AFAP1L2: variants seen among roughly 807,000 people sequenced by gnomAD.
AFAP1L2 encodes actin filament associated protein 1 like 2.
AFAP1L2 carries 46 observed loss-of-function variants against 99.3 expected under a neutral mutation model. The observed-to-expected ratio is 0.46, with a 90% CI of 0.37 to 0.59. The LOEUF (loss-of-function observed/expected upper bound fraction) is 0.59. Among genes scored for constraint, AFAP1L2 ranks in the 20% least tolerant of loss-of-function variants. The pLI is 0.00. For synonymous variants in AFAP1L2, 397 were observed against 419.1 expected (o/e 0.95, Z 0.64); for missense variants, 959 against 1,034.9 (o/e 0.93, Z 1.01).
chr10:114,389,804 A>C (rs1417088836), intron 1 of AFAP1L2, among the ~76,000 whole-genome samples: 1 of 152,250 alleles, frequency 6.6e-6, no homozygotes, highest in African/African-American at 2.4e-5. Context: ...CTTCTTGGAC[A>C]GTCCAGAAAT....
intron 9 of AFAP1L2, 36 bp from the exon 10 acceptor site, chr10:114,307,945 C>T (rs945165024): frequency 3.1e-5 from 50 of 1,590,426 alleles, no homozygotes; most frequent in Middle Eastern, 1.7e-4. Context: ...TCGTATTGCA[C>T]GTGGTCCACC....
At chr10:114,327,210 G>T (rs2046508249) in intron 4 of AFAP1L2, among the ~76,000 whole-genome samples, 1 of 116,952 alleles carries the variant, frequency 8.6e-6, no homozygotes. Flanking sequence ...TGTTGCCCAG[G>T]CTGGAGTATA....
At chr10:114,305,643 AGATGCAGATGCAGGAG>A (rs2042148614) in intron 10 of AFAP1L2, among the ~76,000 whole-genome samples, 2 of 33,782 alleles carry the variant, frequency 5.9e-5, no homozygotes, top group African/African-American at 2.4e-4. Context: ...ATGCAGGAGG[AGATGCAGATGCAGGAG>A]GGGATGCAGG....
At chr10:114,397,571 C>T (rs2057843749) in intron 1 of AFAP1L2, among the ~76,000 whole-genome samples, 2 of 152,170 alleles carry the variant, frequency 1.3e-5, no homozygotes, top group African/African-American at 2.4e-5. Context: ...GGGCAACTCA[C>T]CATCTCAGTT....
chr10:114,369,611 A>AAAAAC (rs2053832002), intron 1 of AFAP1L2, among the ~76,000 whole-genome samples: 1 of 149,148 alleles, frequency 6.7e-6, no homozygotes, highest in African/African-American at 2.4e-5. Flanking sequence ...AAAAAAAAAA[A>AAAAAC]AAAACTTTTT....
At chr10:114,302,222 C>T (rs780924285) in intron 12 of AFAP1L2, 117 bp downstream of exon 12, 12 of 1,417,654 alleles carry the variant, frequency 8.5e-6, no homozygotes, top group Non-Finnish European at 1.2e-5. Flanking sequence ...TTTCCTGCTG[C>T]TGGGCAGAGT....
rs1554894521 is a variant in AFAP1L2, at chr10:114,318,751, A to AAAAGAAAAG, written c.407-2987_407-2986insCTTTTCTTT. ...GTGAGACTCTGTCTAAAAAAAAGAA[A>AAAAGAAAAG]AAAAAAAGAACAACAAATCATACTC... is the stretch of plus-strand genomic sequence containing the variant. On this transcript the variant is annotated intron_variant, in intron 5 of 18. Transcript: ENST00000304129. Among the ~76,000 whole-genome samples the AAAAGAAAAG allele has an allele frequency of 2.5e-3, 374 of 147,818 alleles. 2 individuals carry two copies. Among genetic ancestry groups the AAAAGAAAAG allele is most frequent in the African/African-American group, 8.1e-3 (328 of 40,382 alleles).
At chr10:114,318,403 G>A (rs190817002) in intron 5 of AFAP1L2, among the ~76,000 whole-genome samples, 3 of 152,012 alleles carry the variant, frequency 2.0e-5, no homozygotes, top group East Asian at 1.9e-4. Flanking sequence ...AACTAAGAAC[G>A]GCAAATCATC....
intron 5 of AFAP1L2, among the ~76,000 whole-genome samples, chr10:114,321,338 T>C (rs2003527): frequency 0.59 from 90,187 of 151,990 alleles, 31,452 homozygotes; most frequent in East Asian, 0.91. Flanking sequence ...CTCCCACTTA[T>C]AAGTGAGAAC....
At chr10:114,308,665 C>G (rs938008334) in intron 8 of AFAP1L2, 148 bp from the exon 9 acceptor site, 1 of 671,456 alleles carries the variant, frequency 1.5e-6, no homozygotes, top group Non-Finnish European at 2.5e-6. Flanking sequence ...ACGGCAGAAT[C>G]CAGGTCACTG....
intron 7 of AFAP1L2, among the ~76,000 whole-genome samples, 158 bp from the exon 8 acceptor site, chr10:114,310,601 A>G (rs1334012775): frequency 6.6e-6 from 1 of 152,166 alleles, no homozygotes; most frequent in African/African-American, 2.4e-5. Flanking sequence ...CCCAGCCCCA[A>G]GGCCTGCATG....
the AFAP1L2 span, chr10:114,286,180 TC>T: frequency 8.3e-5 from 134 of 1,613,898 alleles, no homozygotes; most frequent in South Asian, 1.9e-4. Flanking sequence ...TCGATGGCAT[TC>T]CCTTCCGTGG....
intron 1 of AFAP1L2, among the ~76,000 whole-genome samples, chr10:114,381,921 C>T (rs1041645964): frequency 2.0e-5 from 3 of 152,076 alleles, no homozygotes. Flanking sequence ...TGTTCCATTT[C>T]ACTCATAAAA....
In AFAP1L2 at chr10:114,300,662, A is replaced by T. The variant is rs201877865; in HGVS notation, c.1571T>A (p.Val524Asp). The T allele has an allele frequency of 1.9e-6, 3 of 1,605,620 alleles. No homozygotes were observed. The highest frequency in any genetic ancestry group is 1.7e-4 in the Middle Eastern group (1 of 6,036). The change falls in exon 14 of 19, where the codon GTT (valine) becomes GAT (aspartate). Residue 524 changes from valine (V) to aspartate (D), a missense_variant. By Grantham distance (152) the Val-to-Asp change is radical (BLOSUM62 -3). This residue lies in a region of AFAP1L2 where 576 missense variants were observed against 562.1 expected (regional missense o/e 1.02). Transcript: ENST00000304129. Reference protein sequence around the residue: ...AVEPTEEATPVADDPNERESD... With the variant: ...AVEPTEEATPDADDPNERESD... ...TTCTCTCTCATTTGGGTCATCTGCA[A>T]CAGGGGTGGCTTCCTCGGTAGGCTC...
chr10:114,345,371 A>C (rs531339625), intron 1 of AFAP1L2, among the ~76,000 whole-genome samples: 1 of 152,308 alleles, frequency 6.6e-6, no homozygotes, highest in Non-Finnish European at 1.5e-5. Context: ...CTTTAAGCAG[A>C]CTAGAGAGAA....
intron 1 of AFAP1L2, among the ~76,000 whole-genome samples, chr10:114,348,832 C>A (rs192827215): frequency 1.1e-4 from 17 of 152,306 alleles, no homozygotes; most frequent in Admixed American, 3.3e-4. Flanking sequence ...ACTTTTCAAT[C>A]TTCCCAGGTG....
chr10:114,309,812 A>G (rs1463426022), intron 8 of AFAP1L2, among the ~76,000 whole-genome samples: 1 of 151,434 alleles, frequency 6.6e-6, no homozygotes, highest in African/African-American at 2.4e-5. Flanking sequence ...CTGTCTCCCC[A>G]TTCGCCCACC....
intron 8 of AFAP1L2, among the ~76,000 whole-genome samples, chr10:114,309,516 C>G (rs933199577): frequency 6.6e-6 from 1 of 152,218 alleles, no homozygotes; most frequent in African/African-American, 2.4e-5. Context: ...CTTCAGGACA[C>G]CTACCTGCAG....
chr10:114,363,167 G>A (rs942481434), intron 1 of AFAP1L2: 12 of 985,286 alleles, frequency 1.2e-5, no homozygotes, highest in African/African-American at 3.5e-5. Flanking sequence ...CTGGGGAAAC[G>A]GGTTCCTGGG....
Sources: allele counts gnomAD v4.1 joint callset (sites outside exome capture counted in the v4.1 genomes callset), GRCh38; gene constraint gnomAD v4.1.1; regional missense constraint gnomAD v4.1.1; transcripts MANE v1.5; gene names NCBI Gene and HGNC (gene_info 2026-07-23, HGNC 2026-07-21).